THSD7B: variants seen among roughly 807,000 people sequenced by gnomAD.
The protein encoded by THSD7B is thrombospondin type-1 domain-containing protein 7B.
Under a neutral mutation model 213.6 loss-of-function variants are expected in THSD7B, and 138 were observed. The ratio of observed to expected loss-of-function variants is 0.65; its 90% CI spans 0.56 to 0.74. THSD7B has a LOEUF of 0.74. Among genes scored for constraint, THSD7B ranks in the 30% least tolerant of loss-of-function variants. THSD7B has a pLI of 0.00. For synonymous variants in THSD7B, 742 were observed against 687.0 expected (o/e 1.08, Z -1.25); for missense variants, 1,931 against 1,991.5 (o/e 0.97, Z 0.58).
At chr2:137,164,431 G>A (rs1415669743) in intron 6 of THSD7B, among the ~76,000 whole-genome samples, 1 of 152,164 alleles carries the variant, frequency 6.6e-6, no homozygotes, top group Non-Finnish European at 1.5e-5. Flanking sequence ...CACTGTTGGT[G>A]GGATTGTAAA....
intron 17 of THSD7B, among the ~76,000 whole-genome samples, chr2:137,605,588 C>T (rs1055019972): frequency 2.0e-5 from 3 of 147,328 alleles, no homozygotes; most frequent in African/African-American, 7.6e-5. Context: ...CTCAGCAGAG[C>T]CATAGTGTTA....
At chr2:136,875,272 A>T (rs932193079) in intron 1 of THSD7B, among the ~76,000 whole-genome samples, 1 of 152,140 alleles carries the variant, frequency 6.6e-6, no homozygotes, top group African/African-American at 2.4e-5. Context: ...AAATACAAAA[A>T]TTAGCCAGAC....
At chr2:136,812,632 G>A (rs2104931271) in intron 1 of THSD7B, among the ~76,000 whole-genome samples, 1 of 152,206 alleles carries the variant, frequency 6.6e-6, no homozygotes, top group South Asian at 2.1e-4. Flanking sequence ...CACAGAAGTA[G>A]GCATCACAGT....
chr2:137,487,424 C>A, intron 15 of THSD7B, among the ~76,000 whole-genome samples: 1 of 130,864 alleles, frequency 7.6e-6, no homozygotes, highest in African/African-American at 2.9e-5. Flanking sequence ...AGAGCAAACA[C>A]ATTCAAAAGC....
chr2:137,094,886 G>A lies in THSD7B; in HGVS notation c.964G>A (p.Asp322Asn). 2 of 1,611,332 alleles carry A rather than the reference G, an allele frequency of 1.2e-6. No homozygotes were observed. ...TGTTTTTTTCAGCCTTTGCCTTCAA[G>A]ATTCCTTCCCATTGACTGTTCAGTC... ...QNAMLSLCLQ[D>N]SFPLTVQSCI... Residue 322 changes from aspartate (D) to asparagine (N), a missense_variant, in exon 4 of 28, where the codon GAT (aspartate) becomes AAT (asparagine). By Grantham distance (23) the Asp-to-Asn change is conservative. Coordinates refer to ENST00000409968, the MANE Select transcript of THSD7B (RefSeq NM_001316349.2).
intron 2 of THSD7B, among the ~76,000 whole-genome samples, chr2:136,964,611 T>C (rs1297652080): frequency 6.6e-6 from 1 of 152,096 alleles, no homozygotes; most frequent in Non-Finnish European, 1.5e-5. Context: ...AATATTCTCA[T>C]CCCTATGCAA....
At chr2:137,332,965 A>T (rs762167373) in intron 12 of THSD7B, among the ~76,000 whole-genome samples, 1 of 152,174 alleles carries the variant, frequency 6.6e-6, no homozygotes, top group African/African-American at 2.4e-5. Context: ...AGACTAATAT[A>T]TTCCTGTAAA....
chr2:137,215,643 A>G, intron 7 of THSD7B, among the ~76,000 whole-genome samples: 1 of 152,010 alleles, frequency 6.6e-6, no homozygotes, highest in Non-Finnish European at 1.5e-5. Context: ...GACCACTTGA[A>G]CTCCTCTTTA....
chr2:137,363,363 A>C (rs184583797), intron 12 of THSD7B, among the ~76,000 whole-genome samples: 1 of 152,242 alleles, frequency 6.6e-6, no homozygotes, highest in Non-Finnish European at 1.5e-5. Context: ...AAAAGCTAGC[A>C]GAAGGCAAGA....
intron 25 of THSD7B, among the ~76,000 whole-genome samples, chr2:137,660,585 A>G (rs16839281): frequency 0.27 from 41,735 of 152,052 alleles, 5,824 homozygotes; most frequent in African/African-American, 0.3. Flanking sequence ...AATGATGTTT[A>G]AAAAGTAGAA....
At chr2:137,542,158 T>TA (rs1306275910) in intron 15 of THSD7B, among the ~76,000 whole-genome samples, 1 of 151,648 alleles carries the variant, frequency 6.6e-6, no homozygotes, top group Non-Finnish European at 1.5e-5. Context: ...TGCATCTTAA[T>TA]AAAAACCGTC....
At position 137,136,374 on chromosome 2, in the gene THSD7B, C is replaced by G. The variant is rs150057733; in HGVS notation, c.1369+21081C>G. On this transcript the variant is annotated intron_variant, in intron 5 of 27. Coordinates refer to ENST00000409968, the MANE Select transcript of THSD7B (RefSeq NM_001316349.2). ...CAGTTCACAAACAAGGAGAAATATC[C>G]TTCTGTATAAAATGAAGGTGTTCCA... 9.4e-3 allele frequency among the ~76,000 whole-genome samples: 1,436 copies of G among 152,194 alleles called. 28 individuals carry two copies. The highest frequency in any genetic ancestry group is 0.033 in the African/African-American group (1,388 of 41,526).
At chr2:136,894,661 G>A (rs1683922749) in intron 2 of THSD7B, among the ~76,000 whole-genome samples, 1 of 152,160 alleles carries the variant, frequency 6.6e-6, no homozygotes. Context: ...TACTTGAAGA[G>A]ACTTATTCTT....
intron 2 of THSD7B, among the ~76,000 whole-genome samples, chr2:136,930,761 T>C (rs927574723): frequency 6.6e-6 from 1 of 152,148 alleles, no homozygotes; most frequent in Non-Finnish European, 1.5e-5. Flanking sequence ...ACCACAGATA[T>C]TTTAAAGAAT....
intron 26 of THSD7B, among the ~76,000 whole-genome samples, chr2:137,667,261 T>C (rs1327141708): frequency 2.0e-5 from 3 of 152,192 alleles, no homozygotes; most frequent in Admixed American, 2.0e-4. Flanking sequence ...CATTTTACAT[T>C]TTCGCTTTTT....
chr2:137,411,456 T>C (rs997509230), intron 13 of THSD7B, among the ~76,000 whole-genome samples, 153 bp from the exon 14 acceptor site: 1 of 152,348 alleles, frequency 6.6e-6, no homozygotes, highest in East Asian at 1.9e-4. Context: ...TTGTTTCCGT[T>C]GTCTCAGGAT....
chr2:137,575,738 A>ATATATATATATG (rs1461878017), intron 17 of THSD7B, among the ~76,000 whole-genome samples: 1,681 of 150,152 alleles, frequency 0.011, 47 homozygotes, highest in East Asian at 0.069. Context: ...ATATATATAT[A>ATATATATATATG]TATATTTTTA....
intron 1 of THSD7B, among the ~76,000 whole-genome samples, chr2:136,853,066 G>A (rs1683126009): frequency 6.6e-6 from 1 of 151,878 alleles, no homozygotes; most frequent in Non-Finnish European, 1.5e-5. Flanking sequence ...GCATGTGTGT[G>A]TATGTGTTCA....
intron 2 of THSD7B, among the ~76,000 whole-genome samples, chr2:136,982,723 A>G (rs1003360447): frequency 6.6e-6 from 1 of 152,128 alleles, no homozygotes; most frequent in African/African-American, 2.4e-5. Context: ...CAACTCTAAG[A>G]TACTTTTAAG....
Sources: allele counts gnomAD v4.1 joint callset (sites outside exome capture counted in the v4.1 genomes callset), GRCh38; gene constraint gnomAD v4.1.1; transcripts MANE v1.5; gene names NCBI Gene and HGNC (gene_info 2026-07-23, HGNC 2026-07-21).